VAC14: variants seen among roughly 807,000 people sequenced by gnomAD.
VAC14 encodes the protein VAC14 component of PIKFYVE complex.
In VAC14, 47 loss-of-function variants were observed where a neutral mutation model predicts 85.3. That is an observed-to-expected ratio of 0.55 (90% CI 0.44 to 0.70). The LOEUF (loss-of-function observed/expected upper bound fraction) is 0.70. VAC14 is among the 30% of genes least tolerant of loss of function. The pLI is 0.00. For synonymous variants in VAC14, 447 were observed against 430.5 expected, an observed-to-expected ratio of 1.04 and a Z score of -0.47; for missense variants, 861 against 1,004.3, an observed-to-expected ratio of 0.86 and a Z score of 1.93.
intron 14 of VAC14, among the ~76,000 whole-genome samples, chr16:70,719,089 G>A (rs1008128190): frequency 1.3e-5 from 2 of 152,216 alleles, no homozygotes; most frequent in African/African-American, 4.8e-5. Flanking sequence ...TGCCGCAGAA[G>A]CCCCTTGGAT....
intron 9 of VAC14, among the ~76,000 whole-genome samples, chr16:70,775,873 G>A (rs1317970010): frequency 6.6e-6 from 1 of 152,220 alleles, no homozygotes; most frequent in Non-Finnish European, 1.5e-5. Context: ...TGCAGGGTGG[G>A]ACTGCTGAGG....
intron 1 of VAC14, among the ~76,000 whole-genome samples, chr16:70,788,503 T>A (rs1477676064): frequency 2.0e-5 from 3 of 152,174 alleles, no homozygotes; most frequent in Admixed American, 2.0e-4. Context: ...GAATGTGAAC[T>A]CCAGTTCATA....
At chr16:70,797,376 AG>A (rs1316474160) in intron 1 of VAC14, among the ~76,000 whole-genome samples, 2 of 152,154 alleles carry the variant, frequency 1.3e-5, no homozygotes, top group Admixed American at 1.3e-4. Flanking sequence ...GTTAGTGATT[AG>A]CAACCTTAAT....
Position 70,800,932 on chromosome 16 carries a change from A to G in VAC14, c.-32T>C. The G allele has an allele frequency of 6.6e-7, 1 of 1,517,128 alleles. No homozygotes were observed. The highest frequency in any genetic ancestry group is 8.9e-7 in the Non-Finnish European group (1 of 1,127,900). The allele number at this position is 1,517,128 out of a possible 1,614,324, so 94.0% of individuals were successfully genotyped here. ...AGCTGGGGGAACCTCGCGACTCCTT[A>G]GCCCGCGGCTGCCGGGGCCGCGCCG... On this transcript the variant is annotated 5_prime_UTR_variant, in exon 1 of 19. An upstream open reading frame in the 5' UTR loses its in-frame stop. Coordinates refer to ENST00000261776, the MANE Select transcript of VAC14 (RefSeq NM_018052.5).
intron 14 of VAC14, among the ~76,000 whole-genome samples, chr16:70,711,651 G>A (rs1031771825): frequency 2.0e-5 from 3 of 152,094 alleles, no homozygotes; most frequent in African/African-American, 7.2e-5. Flanking sequence ...CACCCCAAGA[G>A]GAAGCACAGC....
chr16:70,695,440 T>C, intron 17 of VAC14, 104 bp downstream of exon 17: 1 of 1,196,376 alleles, frequency 8.4e-7, no homozygotes, highest in Non-Finnish European at 1.2e-6. Context: ...CTGCTCTTCC[T>C]CCCTCCCCAG....
At chr16:70,746,233 TCAAA>T (rs751825070) in intron 12 of VAC14, among the ~76,000 whole-genome samples, 6 of 152,122 alleles carry the variant, frequency 3.9e-5, no homozygotes, top group Non-Finnish European at 8.8e-5. Context: ...CCCTCAGTCT[TCAAA>T]CAGTGTCACG....
At chr16:70,689,354 G>A (rs751854106) in intron 18 of VAC14, 9 of 985,276 alleles carry the variant, frequency 9.1e-6, no homozygotes, top group Middle Eastern at 1.0e-3. Context: ...GCAGCTTGAG[G>A]GTGGAAATAA....
At chr16:70,695,886 A>C in intron 16 of VAC14, 1 of 356,926 alleles carries the variant, frequency 2.8e-6, no homozygotes, top group Non-Finnish European at 5.2e-6. Flanking sequence ...GGCTCTTATC[A>C]CAGCGCTGCA....
intron 9 of VAC14, chr16:70,779,191 G>C (rs2033686656): frequency 6.6e-6 from 1 of 152,252 alleles, no homozygotes; most frequent in Non-Finnish European, 1.5e-5. Context: ...CCTGACACCT[G>C]AGATGGGTCC....
chr16:70,796,497 C>G (rs958655200), intron 1 of VAC14, among the ~76,000 whole-genome samples: 3 of 152,172 alleles, frequency 2.0e-5, no homozygotes, highest in African/African-American at 4.8e-5. Context: ...GAAAACCAGT[C>G]ATGCAGTGGG....
intron 1 of VAC14, among the ~76,000 whole-genome samples, chr16:70,795,181 C>T (rs944044972): frequency 2.0e-5 from 3 of 152,102 alleles, no homozygotes; most frequent in Admixed American, 6.5e-5. Flanking sequence ...GAATGCATCC[C>T]CTGAGCCGGG....
In VAC14 at chr16:70,786,373, G is replaced by C. The variant is rs779359914; in HGVS notation, c.105-8C>G. On this transcript the variant is annotated splice_polypyrimidine_tract_variant and splice_region_variant and intron_variant, in intron 1 of 18. Transcript: ENST00000261776. Reference sequence around the variant, plus strand: ...ACGAACTCCCGGACCAGCCTGGAGAGAGAGGAGAGAGGGGCTGTGGGAATC... The same window carrying C: ...ACGAACTCCCGGACCAGCCTGGAGACAGAGGAGAGAGGGGCTGTGGGAATC... 6.2e-7 allele frequency: 1 copy of C among 1,612,364 alleles called. No homozygotes were observed. Among genetic ancestry groups the C allele is most frequent in the East Asian group, 2.2e-5 (1 of 44,840 alleles).
At chr16:70,723,202 A>C (rs1418346361) in intron 14 of VAC14, among the ~76,000 whole-genome samples, 1 of 151,902 alleles carries the variant, frequency 6.6e-6, no homozygotes, top group Non-Finnish European at 1.5e-5. Context: ...ATTCTGGGTG[A>C]CTGAGTGAGA....
At chr16:70,709,725 G>C (rs1425759218) in intron 14 of VAC14, among the ~76,000 whole-genome samples, 1 of 152,264 alleles carries the variant, frequency 6.6e-6, no homozygotes, top group Non-Finnish European at 1.5e-5. Context: ...CAGCTCCTGA[G>C]TATGGGAGTC....
intron 1 of VAC14, 30 bp downstream of exon 1, chr16:70,800,767 T>C (rs199596200): frequency 5.7e-6 from 9 of 1,584,436 alleles, no homozygotes; most frequent in Middle Eastern, 1.7e-4. Context: ...AGGGGCTGCA[T>C]AGCCAGGGAG....
intron 9 of VAC14, 94 bp downstream of exon 9, chr16:70,780,696 T>C: frequency 6.9e-7 from 1 of 1,450,404 alleles, no homozygotes; most frequent in Non-Finnish European, 9.2e-7. Context: ...AAAGTAGTCC[T>C]GGTTGCTTAA....
At chr16:70,702,695 C>T (rs957603051) in intron 14 of VAC14, among the ~76,000 whole-genome samples, 4 of 152,214 alleles carry the variant, frequency 2.6e-5, no homozygotes, top group Non-Finnish European at 4.4e-5. Flanking sequence ...GGCCAGCTCA[C>T]GGGGCCCTTA....
chr16:70,697,456 T>C (rs2053736696), intron 15 of VAC14, among the ~76,000 whole-genome samples, 199 bp from the exon 16 acceptor site: 1 of 152,228 alleles, frequency 6.6e-6, no homozygotes, highest in South Asian at 2.1e-4. Context: ...GACCCTGTCA[T>C]TACCTCCCAG....
Sources: allele counts gnomAD v4.1 joint callset (sites outside exome capture counted in the v4.1 genomes callset), GRCh38; gene constraint gnomAD v4.1.1; transcripts MANE v1.5; gene names NCBI Gene and HGNC (gene_info 2026-07-23, HGNC 2026-07-21).